The following NRF1 variants were observed in gnomAD, a reference collection of about 807,000 sequenced individuals.
NRF1 encodes the protein nuclear respiratory factor 1.
Under a neutral mutation model 58.5 loss-of-function variants are expected in NRF1, and 5 were observed. That is an observed-to-expected ratio of 0.09 (90% confidence interval 0.04 to 0.18). The LOEUF is 0.18. NRF1 is among the 10% of genes least tolerant of loss of function. The pLI, the probability that NRF1 is intolerant of heterozygous loss-of-function variation, is 1.00. For missense variants in NRF1, 288 were observed against 657.7 expected (o/e 0.44, Z 6.15); for synonymous variants, 224 against 246.7 (o/e 0.91, Z 0.86).
chr7:129,744,528 T>G (rs1803926425), intron 10 of NRF1, among the ~76,000 whole-genome samples: 1 of 152,170 alleles, frequency 6.6e-6, no homozygotes, highest in Admixed American at 6.5e-5. Context: ...ACTGCTGGCC[T>G]CAAGTGATCC....
chr7:129,707,155 G>C (rs557328523), intron 5 of NRF1, among the ~76,000 whole-genome samples: 1 of 151,946 alleles, frequency 6.6e-6, no homozygotes, highest in Admixed American at 6.6e-5. Flanking sequence ...CACTGTAACC[G>C]ACTGAGTTTT....
intron 1 of NRF1, among the ~76,000 whole-genome samples, chr7:129,634,710 G>A (rs1392820147): frequency 1.3e-5 from 2 of 152,182 alleles, no homozygotes; most frequent in Non-Finnish European, 2.9e-5. Flanking sequence ...AAATACCAAG[G>A]AGTGCAGTTG....
intron 8 of NRF1, 83 bp downstream of exon 8, chr7:129,711,659 C>T: frequency 1.9e-6 from 2 of 1,060,252 alleles, no homozygotes; most frequent in African/African-American, 1.6e-5. Flanking sequence ...GATGGAGTAG[C>T]CTGCATGTCT....
At chr7:129,622,575 T>C (rs1334280665) in intron 1 of NRF1, among the ~76,000 whole-genome samples, 2 of 150,094 alleles carry the variant, frequency 1.3e-5, no homozygotes, top group East Asian at 1.9e-4. Context: ...TCTTTTCTTT[T>C]TTTTTTTTTT....
chr7:129,668,256 A>G (rs900139657), intron 2 of NRF1, among the ~76,000 whole-genome samples: 1 of 152,140 alleles, frequency 6.6e-6, no homozygotes, highest in African/African-American at 2.4e-5. Flanking sequence ...TGATTTGTCT[A>G]TCCCTGAGTC....
intron 1 of NRF1, among the ~76,000 whole-genome samples, chr7:129,627,199 A>G (rs1435441931): frequency 6.6e-6 from 1 of 152,094 alleles, no homozygotes; most frequent in Non-Finnish European, 1.5e-5. Flanking sequence ...GGTTCTCCAG[A>G]AAGTGCTTTT....
chr7:129,734,318 A>C (rs1395526641), intron 10 of NRF1, among the ~76,000 whole-genome samples: 1 of 152,250 alleles, frequency 6.6e-6, no homozygotes, highest in Non-Finnish European at 1.5e-5. Context: ...CCAAGTTCAC[A>C]TAGAGAGTGG....
rs1562978696 is a variant in NRF1 at position 129,710,367 on chromosome 7, G to T, written c.766-7G>T. 1 of 1,613,938 alleles carries T rather than the reference G, an allele frequency of 6.2e-7. No individual in the cohort carries two copies. The highest frequency in any genetic ancestry group is 8.5e-7 in the Non-Finnish European group (1 of 1,179,846). On this transcript the variant is annotated splice_region_variant and splice_polypyrimidine_tract_variant and intron_variant, in intron 6 of 10. Transcript: ENST00000393232. ...CTTAATGTGCTTTTCCGGTCATTTG[G>T]TGACAGGTTTCATGGACCCAGGCAC...
chr7:129,622,719 G>A (rs1800828386), intron 1 of NRF1, among the ~76,000 whole-genome samples: 1 of 151,942 alleles, frequency 6.6e-6, no homozygotes, highest in Non-Finnish European at 1.5e-5. Flanking sequence ...ACAGGTGCCC[G>A]CCACTGTGCC....
At chr7:129,676,709 C>T (rs1045384101) in intron 3 of NRF1, among the ~76,000 whole-genome samples, 2 of 152,114 alleles carry the variant, frequency 1.3e-5, no homozygotes, top group African/African-American at 4.8e-5. Context: ...CACAGAGACA[C>T]GAAGTGAGCA....
At chr7:129,707,250 T>C (rs1420794683) in intron 5 of NRF1, among the ~76,000 whole-genome samples, 1 of 152,184 alleles carries the variant, frequency 6.6e-6, no homozygotes, top group African/African-American at 2.4e-5. Context: ...TGCCTGAGCC[T>C]CCCAAGGTGC....
At chr7:129,625,966 G>A (rs751805810) in intron 1 of NRF1, among the ~76,000 whole-genome samples, 1 of 152,076 alleles carries the variant, frequency 6.6e-6, no homozygotes, top group Non-Finnish European at 1.5e-5. Flanking sequence ...ACAAGCATGA[G>A]CCACCACACC....
chr7:129,623,707 C>A (rs929677708), intron 1 of NRF1, among the ~76,000 whole-genome samples: 1 of 152,106 alleles, frequency 6.6e-6, no homozygotes, highest in Non-Finnish European at 1.5e-5. Flanking sequence ...TAAATCATTT[C>A]TTAGTGACTG....
intron 4 of NRF1, among the ~76,000 whole-genome samples, chr7:129,688,692 C>G (rs12540137): frequency 0.79 from 109,933 of 139,468 alleles, 42,919 homozygotes; most frequent in East Asian, 0.97. Context: ...AGGAGAGAGA[C>G]AGAGAGAGAG....
intron 2 of NRF1, among the ~76,000 whole-genome samples, chr7:129,659,157 C>T (rs949245516): frequency 8.9e-5 from 13 of 145,698 alleles, no homozygotes; most frequent in African/African-American, 3.3e-4. Context: ...TGGCTCACTG[C>T]AGCTTCTGCC....
chr7:129,733,575 C>T (rs1041421748), intron 10 of NRF1, among the ~76,000 whole-genome samples: 2 of 152,168 alleles, frequency 1.3e-5, no homozygotes, highest in Non-Finnish European at 2.9e-5. Flanking sequence ...GTTTTCTCCT[C>T]TGCTTCTACC....
intron 10 of NRF1, 106 bp from the exon 11 acceptor site, chr7:129,754,912 C>A: frequency 8.8e-7 from 1 of 1,130,792 alleles, no homozygotes; most frequent in Non-Finnish European, 1.2e-6. Flanking sequence ...TCACCTGAGG[C>A]TGGTGACCAC....
At chr7:129,654,018 GA>G (rs1801596910) in intron 1 of NRF1, among the ~76,000 whole-genome samples, 1 of 152,212 alleles carries the variant, frequency 6.6e-6, no homozygotes. Context: ...TGTATGGTAA[GA>G]GTATGTTTAA....
intron 2 of NRF1, among the ~76,000 whole-genome samples, chr7:129,659,096 T>TTTTTTA (rs1801725396): frequency 6.7e-6 from 1 of 148,340 alleles, no homozygotes; most frequent in Non-Finnish European, 1.5e-5. Context: ...TTTTTTTTTT[T>TTTTTTA]GAGATGGAGT....
Sources: allele counts gnomAD v4.1 joint callset (sites outside exome capture counted in the v4.1 genomes callset), GRCh38; gene constraint gnomAD v4.1.1; transcripts MANE v1.5; gene names NCBI Gene and HGNC (gene_info 2026-07-23, HGNC 2026-07-21).